AKAP13: variants seen among roughly 807,000 people sequenced by gnomAD.
The protein encoded by AKAP13 is A-kinase anchoring protein 13, also known as A-kinase anchor protein 13.
In AKAP13, 80 loss-of-function variants were observed where a neutral mutation model predicts 264.5. The observed-to-expected ratio is 0.30, with a 90% CI of 0.25 to 0.36. The LOEUF (loss-of-function observed/expected upper bound fraction) is 0.36. AKAP13 is among the 10% of genes least tolerant of loss of function. The pLI is 1.00. For synonymous variants in AKAP13, 1,380 were observed against 1,250.2 expected (o/e 1.10, Z -2.19); for missense variants, 3,712 against 3,435.2 (o/e 1.08, Z -2.01).
At chr15:85,719,045 T>G (rs2087128183) in intron 22 of AKAP13, 31 bp from the exon 23 acceptor site, 1 of 1,610,580 alleles carries the variant, frequency 6.2e-7, no homozygotes, top group African/African-American at 1.3e-5. Context: ...AAAAGAGTGT[T>G]CCTGACACTT....
chr15:85,705,594 G>A (rs909245586), intron 17 of AKAP13, among the ~76,000 whole-genome samples: 1 of 139,512 alleles, frequency 7.2e-6, no homozygotes, highest in African/African-American at 2.8e-5. Context: ...AACGACATTA[G>A]AGTGTGATGA....
chr15:85,730,627 A>G lies in AKAP13; in HGVS notation c.7202A>G (p.His2401Arg). ...CTCCCAGAGGATTGCTCCCCAACAC[A>G]TAGCCCTAGAGTTCTCTTCCGCTCC... is the stretch of plus-strand genomic sequence containing the variant. Reference protein sequence around the residue: ...TPLPEDCSPTHSPRVLFRSNT... With the variant: ...TPLPEDCSPTRSPRVLFRSNT... Residue 2401 changes from histidine to arginine, a missense_variant, in exon 30 of 37, where the codon CAT becomes CGT. His to Arg is a conservative substitution (Grantham distance 29, BLOSUM62 0). Coordinates refer to ENST00000394518, the MANE Select transcript of AKAP13 (RefSeq NM_007200.5). The G allele has an allele frequency of 6.2e-7, 1 of 1,614,170 alleles. No individual in the cohort carries two copies. Among genetic ancestry groups the G allele is most frequent in the South Asian group, 1.1e-5 (1 of 91,082 alleles).
At chr15:85,657,038 C>T (rs954072122) in intron 11 of AKAP13, among the ~76,000 whole-genome samples, 7 of 151,988 alleles carry the variant, frequency 4.6e-5, no homozygotes, top group Non-Finnish European at 8.8e-5. Context: ...CCCAGCTACT[C>T]GAGAGGATGA....
intron 10 of AKAP13, among the ~76,000 whole-genome samples, chr15:85,651,141 T>C (rs772861182): frequency 1.3e-5 from 2 of 152,244 alleles, no homozygotes; most frequent in Non-Finnish European, 2.9e-5. Flanking sequence ...TACCTCTGTA[T>C]ATACTTACGT....
intron 1 of AKAP13, among the ~76,000 whole-genome samples, chr15:85,416,214 C>G (rs2072237915): frequency 6.6e-6 from 1 of 152,136 alleles, no homozygotes; most frequent in Admixed American, 6.5e-5. Context: ...TTAAATACCT[C>G]TATTCATTGT....
In AKAP13 at chr15:85,749,240, T is replaced by A. The variant is rs17074; in HGVS notation, c.*4563T>A. The A allele has an allele frequency of 0.2, 30,578 of 152,246 alleles. 3,276 individuals carry two copies. The highest frequency in any genetic ancestry group is 0.24 in the Non-Finnish European group (16,021 of 68,000). 9.4% of individuals were successfully genotyped at this position (152,246 alleles called of 1,614,324 possible). A position where few individuals can be genotyped will look rare whatever the true frequency, so the allele number is the denominator to read the frequency against. On this transcript the variant is annotated 3_prime_UTR_variant, in exon 37 of 37. Transcript: ENST00000394518. ...TTTTTTTCAGTGTGTTTTCTCGAAT[T>A]TTGCCACAACATACTGGCTTCGTAT...
intron 1 of AKAP13, among the ~76,000 whole-genome samples, chr15:85,387,400 C>CTTG (rs1287541895): frequency 6.6e-6 from 1 of 152,108 alleles, no homozygotes; most frequent in African/African-American, 2.4e-5. Context: ...GTAGGATAAC[C>CTTG]ACTCACTGCA....
rs1354722275 is a variant in AKAP13, at chr15:85,741,608, G to A, written c.8058+113G>A. 10 of 1,411,706 alleles carry A rather than the reference G, an allele frequency of 7.1e-6. No homozygotes were observed. In the East Asian group the frequency reaches 2.4e-4, roughly 33 times the overall value. The allele number at this position is 1,411,706 out of a possible 1,614,324, so 87.4% of individuals were successfully genotyped here. The stretch of plus-strand genomic sequence containing the variant: ...ATATAGAGCCTGTTTTTGGCCAGAT[G>A]CTCATGCCTGTGATCCCAGCACTTT... On this transcript the variant is annotated intron_variant, in intron 35 of 36. Transcript: ENST00000394518.
At chr15:85,619,779 T>G in intron 8 of AKAP13, 1 of 1,077,620 alleles carries the variant, frequency 9.3e-7, no homozygotes, top group Non-Finnish European at 1.1e-6. Flanking sequence ...TGCTTCTCTT[T>G]CAGTCAAGAT....
At chr15:85,732,972 G>T (rs531073313) in intron 30 of AKAP13, among the ~76,000 whole-genome samples, 1 of 152,146 alleles carries the variant, frequency 6.6e-6, no homozygotes, top group African/African-American at 2.4e-5. Context: ...TAGTTGTGCT[G>T]TGTCTACGCT....
intron 34 of AKAP13, among the ~76,000 whole-genome samples, chr15:85,740,775 A>C (rs938335933): frequency 0.039 from 2,619 of 67,108 alleles, no homozygotes; most frequent in African/African-American, 0.072. Context: ...ACACACAACC[A>C]CCCCCCCCCC....
At chr15:85,740,340 A>G (rs1041571875) in intron 34 of AKAP13, 68 bp downstream of exon 34, 2 of 1,572,082 alleles carry the variant, frequency 1.3e-6, no homozygotes, top group Non-Finnish European at 1.7e-6. Flanking sequence ...GCTGTTGTTG[A>G]CTTGGATCTT....
intron 19 of AKAP13, among the ~76,000 whole-genome samples, chr15:85,711,433 G>C (rs1252935201): frequency 1.3e-5 from 2 of 151,804 alleles, no homozygotes; most frequent in African/African-American, 4.8e-5. Flanking sequence ...TTAGACATAT[G>C]TATACTTTGA....
At chr15:85,572,841 C>A (rs1248604256) in intron 5 of AKAP13, among the ~76,000 whole-genome samples, 2 of 152,138 alleles carry the variant, frequency 1.3e-5, no homozygotes, top group Non-Finnish European at 2.9e-5. Context: ...CCTGACCGAC[C>A]CCGGTGTGTG....
chr15:85,713,508 A>G (rs1323589850), intron 19 of AKAP13, among the ~76,000 whole-genome samples: 3 of 129,854 alleles, frequency 2.3e-5, no homozygotes, highest in African/African-American at 2.9e-5. Flanking sequence ...GTTATGCTCC[A>G]GGCCCTTTAA....
intron 2 of AKAP13, among the ~76,000 whole-genome samples, chr15:85,490,019 G>A (rs2075679459): frequency 6.6e-6 from 1 of 152,096 alleles, no homozygotes; most frequent in East Asian, 1.9e-4. Context: ...TCACTAAGTC[G>A]GGTTTTTCTC....
intron 10 of AKAP13, among the ~76,000 whole-genome samples, chr15:85,649,615 G>GT (rs1217668166): frequency 1.3e-5 from 2 of 152,150 alleles, no homozygotes; most frequent in Non-Finnish European, 2.9e-5. Context: ...TTAACAGCCC[G>GT]TAACGTTTGT....
chr15:85,431,568 G>T (rs1238135086), intron 1 of AKAP13, among the ~76,000 whole-genome samples: 1 of 152,130 alleles, frequency 6.6e-6, no homozygotes, highest in Admixed American at 6.5e-5. Flanking sequence ...ATGGAGAGTG[G>T]ATATAAAAGC....
At chr15:85,649,916 C>G (rs886751719) in intron 10 of AKAP13, among the ~76,000 whole-genome samples, 1 of 152,056 alleles carries the variant, frequency 6.6e-6, no homozygotes, top group African/African-American at 2.4e-5. Context: ...TAGTTGCTGC[C>G]TGTCTTCCCA....
Sources: gnomAD v4.1 joint callset for allele counts (sites outside exome capture counted in the v4.1 genomes callset) on GRCh38, gnomAD v4.1.1 for gene constraint, MANE v1.5 for transcripts, NCBI Gene and HGNC (gene_info 2026-07-23, HGNC 2026-07-21) for gene names.